Variants in LRRTM4 observed in about 807,000 individuals in gnomAD.
LRRTM4 encodes leucine-rich repeat transmembrane neuronal protein 4.
LRRTM4 carries 25 observed loss-of-function variants against 47.6 expected under a neutral mutation model. The ratio of observed to expected loss-of-function variants is 0.53; its 90% CI spans 0.38 to 0.73. The LOEUF is 0.73. LRRTM4 is among the 30% of genes least tolerant of loss of function. The probability of loss-of-function intolerance (pLI) is 0.00; values close to 1 mark genes in which losing one functional copy is unlikely to be tolerated. For synonymous variants in LRRTM4, 311 were observed against 269.5 expected (o/e 1.15, Z -1.51); for missense variants, 638 against 713.4 (o/e 0.89, Z 1.20).
At chr2:77,031,539 G>C (rs1272470330) in intron 3 of LRRTM4, among the ~76,000 whole-genome samples, 1 of 152,106 alleles carries the variant, frequency 6.6e-6, no homozygotes, top group Non-Finnish European at 1.5e-5. Flanking sequence ...AAAGACTGTA[G>C]ATGATGGGTT....
chr2:76,936,722 A>G (rs949449967), intron 3 of LRRTM4, among the ~76,000 whole-genome samples: 2 of 151,730 alleles, frequency 1.3e-5, no homozygotes, highest in Admixed American at 1.3e-4. Context: ...TGAGAGGCCA[A>G]GGCAGGTGGA....
At chr2:77,318,792 A>C (rs1290363978) in intron 3 of LRRTM4, among the ~76,000 whole-genome samples, 3 of 152,196 alleles carry the variant, frequency 2.0e-5, no homozygotes, top group Non-Finnish European at 4.4e-5. Context: ...CAATATAAAC[A>C]TTTATAAGAA....
intron 3 of LRRTM4, among the ~76,000 whole-genome samples, chr2:77,181,124 G>A (rs564531490): frequency 6.6e-6 from 1 of 152,194 alleles, no homozygotes; most frequent in South Asian, 2.1e-4. Flanking sequence ...ACATAAACTA[G>A]ACAAATGTTT....
intron 3 of LRRTM4, among the ~76,000 whole-genome samples, chr2:77,447,596 T>C (rs1331107134): frequency 6.6e-6 from 1 of 152,176 alleles, no homozygotes; most frequent in Non-Finnish European, 1.5e-5. Flanking sequence ...ATCCACAACA[T>C]AGTTTATGTG....
intron 3 of LRRTM4, among the ~76,000 whole-genome samples, chr2:77,259,609 T>C (rs1675863846): frequency 6.6e-6 from 1 of 151,966 alleles, no homozygotes; most frequent in African/African-American, 2.4e-5. Context: ...TGGTGTTCAA[T>C]AGGTAGGAAA....
chr2:77,190,637 A>C (rs1673642794), intron 3 of LRRTM4, among the ~76,000 whole-genome samples: 1 of 152,110 alleles, frequency 6.6e-6, no homozygotes, highest in Non-Finnish European at 1.5e-5. Flanking sequence ...ATATTAGCAC[A>C]TTGAACTATT....
chr2:77,207,893 T>TG (rs869089069), intron 3 of LRRTM4, among the ~76,000 whole-genome samples: 1 of 142,458 alleles, frequency 7.0e-6, no homozygotes, highest in Admixed American at 7.3e-5. Flanking sequence ...TTTTTTTTTT[T>TG]GTGAGATGTA....
intron 3 of LRRTM4, among the ~76,000 whole-genome samples, chr2:77,250,454 T>C (rs1675572537): frequency 1.3e-5 from 2 of 152,190 alleles, no homozygotes; most frequent in African/African-American, 4.8e-5. Flanking sequence ...TCCAATTTTA[T>C]AGTGAATCTA....
chr2:77,102,029 C>CT (rs1219758274), intron 3 of LRRTM4, among the ~76,000 whole-genome samples: 1 of 152,198 alleles, frequency 6.6e-6, no homozygotes, highest in East Asian at 1.9e-4. Context: ...AACAAAGGGA[C>CT]TTTCTTCCTG....
chr2:77,353,467 TCTATTAC>T (rs1671858544), intron 3 of LRRTM4, among the ~76,000 whole-genome samples: 1 of 152,138 alleles, frequency 6.6e-6, no homozygotes, highest in African/African-American at 2.4e-5. Flanking sequence ...AATACAAAAA[TCTATTAC>T]CTATTATTAG....
chr2:77,445,197 C>A (rs1421025872), intron 3 of LRRTM4, among the ~76,000 whole-genome samples: 1 of 151,960 alleles, frequency 6.6e-6, no homozygotes, highest in Non-Finnish European at 1.5e-5. Context: ...AAGGCCTGGA[C>A]AAGCTACCCA....
intron 3 of LRRTM4, among the ~76,000 whole-genome samples, chr2:77,446,633 G>T (rs1361705066): frequency 2.0e-5 from 3 of 151,946 alleles, no homozygotes; most frequent in African/African-American, 7.3e-5. Context: ...TCGAACATCA[G>T]CCACACTGTC....
At chr2:77,114,395 C>T (rs1371052714) in intron 3 of LRRTM4, among the ~76,000 whole-genome samples, 1 of 152,060 alleles carries the variant, frequency 6.6e-6, no homozygotes, top group East Asian at 1.9e-4. Context: ...TTTAATATAG[C>T]AGAGATGAGC....
At chr2:76,766,523 C>T (rs868027407) in intron 3 of LRRTM4, among the ~76,000 whole-genome samples, 2 of 152,224 alleles carry the variant, frequency 1.3e-5, no homozygotes, top group Non-Finnish European at 2.9e-5. Context: ...AACTGCCCTT[C>T]TCTGCCCTGC....
chr2:76,940,633 TTAAAA>T (rs1241134444), intron 3 of LRRTM4, among the ~76,000 whole-genome samples: 2 of 151,936 alleles, frequency 1.3e-5, no homozygotes, highest in African/African-American at 4.8e-5. Flanking sequence ...ACCCCTGAAC[TTAAAA>T]TAAAACTTAA....
chr2:76,784,405 C>A (rs1448403714), intron 3 of LRRTM4, among the ~76,000 whole-genome samples: 1 of 151,972 alleles, frequency 6.6e-6, no homozygotes, highest in East Asian at 1.9e-4. Context: ...ACTCTAATTA[C>A]TATGCTACCA....
chr2:77,146,275 T>G (rs1391594233), intron 3 of LRRTM4, among the ~76,000 whole-genome samples: 3 of 152,184 alleles, frequency 2.0e-5, no homozygotes, highest in Non-Finnish European at 4.4e-5. Flanking sequence ...GTTTTATGTC[T>G]CATTTTAACA....
At chr2:77,421,000 C>A (rs1674857266) in intron 3 of LRRTM4, among the ~76,000 whole-genome samples, 1 of 150,530 alleles carries the variant, frequency 6.6e-6, no homozygotes, top group East Asian at 2.0e-4. Flanking sequence ...GGGCCACAGG[C>A]CTGGGCAGAA....
At chr2:77,086,155 G>A (rs888265002) in intron 3 of LRRTM4, among the ~76,000 whole-genome samples, 1 of 152,082 alleles carries the variant, frequency 6.6e-6, no homozygotes, top group Non-Finnish European at 1.5e-5. Flanking sequence ...ATTTTAATGT[G>A]CCAGCCACTG....
Sources: gnomAD v4.1 joint callset for allele counts (sites outside exome capture counted in the v4.1 genomes callset) on GRCh38, gnomAD v4.1.1 for gene constraint, MANE v1.5 for transcripts, NCBI Gene and HGNC (gene_info 2026-07-23, HGNC 2026-07-21) for gene names.